Variants in AFF3 observed in about 807,000 individuals in gnomAD.
AFF3 encodes ALF transcription elongation factor 3, also known as AF4/FMR2 family member 3.
In AFF3, 32 loss-of-function variants were observed where a neutral mutation model predicts 129.7. The observed-to-expected ratio is 0.25, with a 90% CI of 0.19 to 0.33. AFF3 has a LOEUF of 0.33. AFF3 is among the 10% of genes least tolerant of loss of function. The pLI is 1.00. For synonymous variants in AFF3, 644 were observed against 635.4 expected (o/e 1.01, Z -0.20); for missense variants, 1,373 against 1,592.0 (o/e 0.86, Z 2.34).
intron 9 of AFF3, among the ~76,000 whole-genome samples, chr2:99,748,390 C>A (rs184996225): frequency 6.6e-6 from 1 of 152,168 alleles, no homozygotes; most frequent in Non-Finnish European, 1.5e-5. Flanking sequence ...CTCTACTAGG[C>A]CTGCAAGATT....
At chr2:99,719,723 T>C (rs978874233) in intron 11 of AFF3, among the ~76,000 whole-genome samples, 1 of 152,246 alleles carries the variant, frequency 6.6e-6, no homozygotes, top group Non-Finnish European at 1.5e-5. Context: ...TTATCTTTTC[T>C]GTCTTCTGGC....
At chr2:100,105,781 T>C (rs1279844737) in intron 2 of AFF3, 198 bp from the exon 3 acceptor site, 10 of 1,358,130 alleles carry the variant, frequency 7.4e-6, no homozygotes, top group Non-Finnish European at 9.8e-6. Flanking sequence ...TCTCCTGACC[T>C]CTTGGCCACA....
At chr2:99,920,342 T>C (rs77236248) in intron 7 of AFF3, among the ~76,000 whole-genome samples, 6,961 of 151,986 alleles carry the variant, frequency 0.046, 409 homozygotes, top group African/African-American at 0.14. Context: ...AAAAAAAATA[T>C]GCCGCAATCA....
At chr2:99,921,319 G>A (rs1237765457) in intron 7 of AFF3, among the ~76,000 whole-genome samples, 3 of 152,114 alleles carry the variant, frequency 2.0e-5, no homozygotes, top group East Asian at 3.8e-4. Context: ...CTTCAAAAGT[G>A]TCAAGGCTAT....
intron 18 of AFF3, among the ~76,000 whole-genome samples, chr2:99,571,568 T>C (rs533330376): frequency 3.3e-5 from 5 of 152,344 alleles, no homozygotes; most frequent in East Asian, 1.9e-4. Context: ...CCTAATTTTC[T>C]GACCGTATCA....
intron 8 of AFF3, among the ~76,000 whole-genome samples, chr2:99,793,234 T>C (rs1044974301): frequency 3.3e-5 from 5 of 152,198 alleles, no homozygotes; most frequent in Admixed American, 2.0e-4. Flanking sequence ...TCCCTCTCAA[T>C]GTGACACGCC....
At chr2:99,882,172 G>A (rs1172740107) in intron 7 of AFF3, among the ~76,000 whole-genome samples, 1 of 151,928 alleles carries the variant, frequency 6.6e-6, no homozygotes, top group African/African-American at 2.4e-5. Flanking sequence ...ATGTGAGAGA[G>A]CTCAGCTCCC....
chr2:99,643,625 G>T (rs1354362908), intron 13 of AFF3, among the ~76,000 whole-genome samples: 1 of 152,162 alleles, frequency 6.6e-6, no homozygotes, highest in African/African-American at 2.4e-5. Flanking sequence ...TTCTGTGCTG[G>T]TGGCCACTCC....
Position 100,105,549 on chromosome 2 carries a change from C to T in AFF3, c.-110G>A, listed in dbSNP as rs1322464609. The T allele has an allele frequency of 7.5e-7, 1 of 1,331,992 alleles. No homozygotes were observed. Among genetic ancestry groups the T allele is most frequent in the Admixed American group, 2.3e-5 (1 of 44,172 alleles). The allele number at this position is 1,331,992 out of a possible 1,614,324, so 82.5% of individuals were successfully genotyped here. ...CCTCTGGGTGTCGACTTCAAACTTG[C>T]CGCCCGTCTCCGGTCTGGAAAGGCA... On this transcript the variant is annotated 5_prime_UTR_variant, in exon 3 of 25. Coordinates refer to ENST00000672756, the MANE Select transcript of AFF3 (RefSeq NM_001386135.1).
chr2:99,959,805 T>TA lies in AFF3; in HGVS notation c.873+46826dup, dbSNP rs1480723178. Among the ~76,000 whole-genome samples, 11 of 151,832 alleles carry TA rather than the reference T, an allele frequency of 7.2e-5. No homozygotes were observed. In the Middle Eastern group the frequency reaches 0.01, roughly 142 times the overall value. ...GCTTGTAAACACAGCCCGCTCTTGC[T>TA]AAATCCATGTTCACAATATGTTCCC... On this transcript the variant is annotated intron_variant, in intron 7 of 24. Transcript: ENST00000672756.
In AFF3 at chr2:99,611,423, A is replaced by C. The variant is rs537019652; in HGVS notation, c.1185-9802T>G. Among the ~76,000 whole-genome samples the C allele has an allele frequency of 5.3e-5, 8 of 152,190 alleles. No individual in the cohort carries two copies. The East Asian group carries it at 1.5e-3, about 29-fold the overall frequency. The stretch of plus-strand genomic sequence containing the variant: ...TATAATACCTTGATTTTTAAAAATT[A>C]TTGCTTGTTTTTGCAGGCCTCCACT... On this transcript the variant is annotated intron_variant, in intron 13 of 24. Transcript: ENST00000672756.
At chr2:100,053,224 T>TG (rs1329967056) in intron 4 of AFF3, among the ~76,000 whole-genome samples, 1 of 152,258 alleles carries the variant, frequency 6.6e-6, no homozygotes, top group African/African-American at 2.4e-5. Flanking sequence ...ATACAACACT[T>TG]GAACTGTGTT....
chr2:100,000,408 A>T (rs1252613753), intron 7 of AFF3, among the ~76,000 whole-genome samples: 1 of 152,124 alleles, frequency 6.6e-6, no homozygotes, highest in African/African-American at 2.4e-5. Flanking sequence ...TACGCTCACT[A>T]CTCAGGATTT....
intron 7 of AFF3, among the ~76,000 whole-genome samples, chr2:99,926,277 T>A (rs980478315): frequency 6.6e-6 from 1 of 152,152 alleles, no homozygotes; most frequent in Admixed American, 6.5e-5. Context: ...AAAAGAAATT[T>A]AAGCAGTGCC....
chr2:100,074,329 T>C (rs1688428122), intron 4 of AFF3, among the ~76,000 whole-genome samples: 1 of 152,192 alleles, frequency 6.6e-6, no homozygotes, highest in Admixed American at 6.5e-5. Flanking sequence ...ACCCTCTTGT[T>C]CTTGCCACTC....
At chr2:100,034,476 C>T (rs990140525) in intron 4 of AFF3, among the ~76,000 whole-genome samples, 1 of 151,946 alleles carries the variant, frequency 6.6e-6, no homozygotes, top group Admixed American at 6.6e-5. Flanking sequence ...TTTAAAAACT[C>T]ATTAGAAGGA....
chr2:99,582,916 G>A lies in AFF3; in HGVS notation c.2675C>T (p.Thr892Ile), dbSNP rs756207858. ...GCTGGAAGAAGTTAAGTCCTCGCTG[G>A]TGTATTTGTGTTTAGATGCATCAGA... ...PLSDASKHKYTSEDLTSSSRP... is the reference protein window; with the variant it reads ...PLSDASKHKYISEDLTSSSRP... Residue 892 changes from threonine to isoleucine, a missense_variant, in exon 17 of 25, where the codon ACC becomes ATC. Transcript: ENST00000672756. 5 of 1,614,152 alleles carry A rather than the reference G, an allele frequency of 3.1e-6. No individual in the cohort carries two copies. The highest frequency in any genetic ancestry group is 1.1e-5 in the South Asian group (1 of 91,086).
intron 16 of AFF3, among the ~76,000 whole-genome samples, chr2:99,583,850 C>T (rs1257899872): frequency 1.3e-5 from 2 of 151,968 alleles, no homozygotes; most frequent in African/African-American, 4.8e-5. Context: ...TTACAGGTGC[C>T]TGCCACCACA....
rs1433500413 is a variant in AFF3, at chr2:99,587,195, A to C, written c.2550T>G (p.Ser850Arg). ...TGCAGTGGTTTGCAGACAAAGTATT[A>C]CTGGTGGAGGTGGCCAGTCTTGAAG... ...DSSSRLATST[S>R]NTLSANHCNM... Residue 850 changes from serine (S) to arginine (R), a missense_variant, in exon 16 of 25, where the codon AGT (serine) becomes AGG (arginine). Around this residue, in one of 9 missense-constraint regions of AFF3, gnomAD observed 466 missense variants for 505.0 expected, o/e 0.92. Coordinates refer to ENST00000672756, the MANE Select transcript of AFF3 (RefSeq NM_001386135.1). The C allele has an allele frequency of 6.2e-7, 1 of 1,614,052 alleles. No individual in the cohort carries two copies. The highest frequency in any genetic ancestry group is 8.5e-7 in the Non-Finnish European group (1 of 1,180,034).
Sources: gnomAD v4.1 joint callset for allele counts (sites outside exome capture counted in the v4.1 genomes callset) on GRCh38, gnomAD v4.1.1 for gene constraint, gnomAD v4.1.1 regional missense constraint, MANE v1.5 for transcripts, NCBI Gene and HGNC (gene_info 2026-07-23, HGNC 2026-07-21) for gene names.